FAM227B: variants seen among roughly 807,000 people sequenced by gnomAD.
The protein encoded by FAM227B is protein FAM227B.
In FAM227B, 88 loss-of-function variants were observed where a neutral mutation model predicts 73.8. That is an observed-to-expected ratio of 1.19 (90% CI 1.00 to 1.42). The LOEUF is 1.42. FAM227B is among the 40% of genes most tolerant of loss of function. The pLI, the probability that FAM227B is intolerant of heterozygous loss-of-function variation, is 0.00. For missense variants in FAM227B, 632 were observed against 590.9 expected, an observed-to-expected ratio of 1.07 and a Z score of -0.72; for synonymous variants, 210 against 190.5, an observed-to-expected ratio of 1.10 and a Z score of -0.84.
intron 11 of FAM227B, among the ~76,000 whole-genome samples, chr15:49,503,838 C>G (rs2058354650): frequency 2.6e-5 from 4 of 152,168 alleles, no homozygotes; most frequent in Non-Finnish European, 5.9e-5. Context: ...GGACTGTAAA[C>G]TAGTTCAACC....
intron 13 of FAM227B, among the ~76,000 whole-genome samples, chr15:49,358,911 C>T (rs1297698676): frequency 1.4e-5 from 2 of 146,254 alleles, no homozygotes; most frequent in Non-Finnish European, 3.1e-5. Context: ...TGGAACAGAA[C>T]AGAGCCCTCA....
chr15:49,489,842 TATATATATATATATATTTTA>T lies in FAM227B; in HGVS notation c.1012+18349_1012+18368del, dbSNP rs2056832502. Among the ~76,000 whole-genome samples, 3 of 13,274 alleles carry T rather than the reference TATATATATATATATATTTTA, an allele frequency of 2.3e-4. 1 individual carries two copies. Among genetic ancestry groups the T allele is most frequent in the Non-Finnish European group, 4.4e-4 (3 of 6,800 alleles). The allele number at this position is 13,274 out of a possible 152,430, so 8.7% of individuals were successfully genotyped here. A position where few individuals can be genotyped will look rare whatever the true frequency, so the allele number is the denominator to read the frequency against. On this transcript the variant is annotated intron_variant, in intron 11 of 15. Transcript: ENST00000299338. ...ATATTTTATATATATATATATATTTTATATATATATATATATTTTATATATATATATATATATATATAGAG... is the reference window on the plus strand; with the variant it reads ...ATATTTTATATATATATATATATTTTTATATATATATATATATATATAGAG...
intron 3 of FAM227B, among the ~76,000 whole-genome samples, chr15:49,597,068 A>G (rs2076927153): frequency 6.6e-6 from 1 of 152,034 alleles, no homozygotes; most frequent in Non-Finnish European, 1.5e-5. Context: ...AGTCATCAAA[A>G]GAGAAAGTCA....
chr15:49,592,819 C>T (rs2076660923), intron 3 of FAM227B, among the ~76,000 whole-genome samples: 1 of 152,226 alleles, frequency 6.6e-6, no homozygotes, highest in Admixed American at 6.5e-5. Flanking sequence ...AGGCAGTAGG[C>T]CTTGCTGAGC....
intron 9 of FAM227B, among the ~76,000 whole-genome samples, chr15:49,561,588 T>C (rs1215917979): frequency 6.6e-6 from 1 of 152,102 alleles, no homozygotes; most frequent in East Asian, 1.9e-4. Context: ...ACATAGAACA[T>C]ACTCTAAGAT....
chr15:49,337,508 C>CTTTTTTT (rs33973907), intron 13 of FAM227B, among the ~76,000 whole-genome samples: 1 of 36,086 alleles, frequency 2.8e-5, no homozygotes, highest in Non-Finnish European at 5.0e-5. Context: ...CATTTACCCA[C>CTTTTTTT]TTTTTTTTTT....
At chr15:49,462,866 AAAAT>A (rs2053929980) in intron 11 of FAM227B, among the ~76,000 whole-genome samples, 1 of 151,568 alleles carries the variant, frequency 6.6e-6, no homozygotes, top group South Asian at 2.1e-4. Flanking sequence ...TATTACATTC[AAAAT>A]AAATAAATAC....
chr15:49,544,342 G>A (rs1247970172), intron 9 of FAM227B, among the ~76,000 whole-genome samples: 2 of 152,106 alleles, frequency 1.3e-5, no homozygotes, highest in African/African-American at 2.4e-5. Flanking sequence ...CTACTTATTT[G>A]TGTACACTGA....
chr15:49,530,592 T>C (rs2060534668), intron 10 of FAM227B, among the ~76,000 whole-genome samples: 1 of 151,872 alleles, frequency 6.6e-6, no homozygotes, highest in South Asian at 2.1e-4. Flanking sequence ...TCTTTGCCTC[T>C]GTTGTAATAG....
In FAM227B at chr15:49,445,670, G is replaced by GA. The variant is rs548823423; in HGVS notation, c.1012+62540dup. Among the ~76,000 whole-genome samples, 39 of 151,324 alleles carry GA rather than the reference G, an allele frequency of 2.6e-4. No homozygotes were observed. The South Asian group carries it at 2.9e-3, about 11-fold the overall frequency. On this transcript the variant is annotated intron_variant, in intron 11 of 15. Coordinates refer to ENST00000299338, the MANE Select transcript of FAM227B (RefSeq NM_152647.3). ...TGTACAATTATTATGTCAATTGAAA[G>GA]AAAAAAATAAAATATAGAAAAGTAT... is the stretch of plus-strand genomic sequence containing the variant.
chr15:49,329,606 G>T, intron 15 of FAM227B: 2 of 984,508 alleles, frequency 2.0e-6, no homozygotes, highest in Non-Finnish European at 2.4e-6. Flanking sequence ...AACTTCTGAT[G>T]CATTTTCATT....
intron 9 of FAM227B, among the ~76,000 whole-genome samples, chr15:49,548,676 C>G (rs566594024): frequency 6.6e-6 from 1 of 152,118 alleles, no homozygotes; most frequent in African/African-American, 2.4e-5. Context: ...TACTGGGGTA[C>G]TTTTTATTAT....
At chr15:49,583,652 G>C (rs571772722) in intron 5 of FAM227B, among the ~76,000 whole-genome samples, 2 of 130,044 alleles carry the variant, frequency 1.5e-5, no homozygotes, top group Admixed American at 1.7e-4. Flanking sequence ...GCTTTCACTT[G>C]GCAAAAAAAA....
Position 49,366,242 on chromosome 15 carries a change from A to T in FAM227B, c.1271+1206T>A, listed in dbSNP as rs2045161594. On this transcript the variant is annotated intron_variant, in intron 13 of 15. Transcript: ENST00000299338. ...AATGTTATTTCCTAGAGTCTGCTTCATATCTATAAAGTCTTTGTCACTTAT... is the reference window on the plus strand; with the variant it reads ...AATGTTATTTCCTAGAGTCTGCTTCTTATCTATAAAGTCTTTGTCACTTAT... 3 of 786,284 alleles carry T rather than the reference A, an allele frequency of 3.8e-6. No homozygotes were observed. In the Admixed American group the frequency reaches 5.1e-5, roughly 13 times the overall value. 48.7% of individuals were successfully genotyped at this position (786,284 alleles called of 1,614,324 possible).
chr15:49,611,160 A>G, intron 3 of FAM227B, 55 bp downstream of exon 3: 2 of 1,076,842 alleles, frequency 1.9e-6, no homozygotes, highest in Admixed American at 1.9e-5. Flanking sequence ...CTAAATCTCC[A>G]TAACTGATAT....
At chr15:49,559,736 A>G (rs2074083234) in intron 9 of FAM227B, among the ~76,000 whole-genome samples, 1 of 152,128 alleles carries the variant, frequency 6.6e-6, no homozygotes, top group African/African-American at 2.4e-5. Context: ...GGAGTTCGAG[A>G]CTAGCCTGAC....
chr15:49,432,771 A>T (rs985935680), intron 11 of FAM227B, among the ~76,000 whole-genome samples: 6 of 151,702 alleles, frequency 4.0e-5, no homozygotes, highest in Admixed American at 1.3e-4. Context: ...AATACTGGAC[A>T]GAAATCCAGG....
chr15:49,493,591 T>C (rs1010910128), intron 11 of FAM227B, among the ~76,000 whole-genome samples: 3 of 151,994 alleles, frequency 2.0e-5, no homozygotes, highest in Non-Finnish European at 2.9e-5. Flanking sequence ...ATTTTTCTCT[T>C]CTATAAATTC....
At chr15:49,513,030 G>C (rs1388414207) in intron 10 of FAM227B, among the ~76,000 whole-genome samples, 6 of 152,050 alleles carry the variant, frequency 3.9e-5, no homozygotes, top group Admixed American at 3.9e-4. Context: ...TTGGTTTCAT[G>C]TCTTTGATAT....
Sources: gnomAD v4.1 joint callset for allele counts (sites outside exome capture counted in the v4.1 genomes callset) on GRCh38, gnomAD v4.1.1 for gene constraint, MANE v1.5 for transcripts, NCBI Gene and HGNC (gene_info 2026-07-23, HGNC 2026-07-21) for gene names.